USP34: variants seen among roughly 807,000 people sequenced by gnomAD.
The protein encoded by USP34 is ubiquitin specific peptidase 34.
A neutral mutation model predicts 460.3 loss-of-function variants in USP34; 70 were observed. That is an observed-to-expected ratio of 0.15 (90% CI 0.13 to 0.19). The LOEUF is 0.19. Among genes scored for constraint, USP34 ranks in the 10% least tolerant of loss-of-function variants. The pLI is 1.00. For synonymous variants in USP34, 1,647 were observed against 1,405.3 expected (o/e 1.17, Z -3.85); for missense variants, 3,985 against 4,236.2 (o/e 0.94, Z 1.65).
intron 75 of USP34, among the ~76,000 whole-genome samples, chr2:61,201,455 C>T (rs950659050): frequency 5.8e-4 from 88 of 152,098 alleles, no homozygotes; most frequent in African/African-American, 2.1e-3. Flanking sequence ...CCTCGTGATC[C>T]GCCCGCCTTG....
At chr2:61,456,729 G>T (rs932530071) in intron 1 of USP34, among the ~76,000 whole-genome samples, 14 of 152,126 alleles carry the variant, frequency 9.2e-5, no homozygotes, top group Non-Finnish European at 1.5e-5. Flanking sequence ...GAGGCAGGAG[G>T]ATAGTTTGAG....
chr2:61,435,167 T>C (rs1440396398), intron 1 of USP34, among the ~76,000 whole-genome samples: 1 of 151,526 alleles, frequency 6.6e-6, no homozygotes, highest in African/African-American at 2.4e-5. Flanking sequence ...TAGCTGGACA[T>C]GGTGGTGAAT....
At chr2:61,237,087 C>T (rs1049065413) in intron 53 of USP34, among the ~76,000 whole-genome samples, 1 of 152,114 alleles carries the variant, frequency 6.6e-6, no homozygotes, top group Non-Finnish European at 1.5e-5. Context: ...CCTCTCCAGC[C>T]CACTACACTA....
intron 3 of USP34, among the ~76,000 whole-genome samples, chr2:61,402,745 A>C (rs1693759232): frequency 6.6e-6 from 1 of 152,226 alleles, no homozygotes; most frequent in African/African-American, 2.4e-5. Context: ...CACAAAGAAA[A>C]GACTAGATGG....
intron 1 of USP34, among the ~76,000 whole-genome samples, chr2:61,467,046 C>T (rs1695784810): frequency 6.6e-6 from 1 of 152,056 alleles, no homozygotes; most frequent in Admixed American, 6.6e-5. Flanking sequence ...TGGCTCACGC[C>T]TGTAATCCTA....
chr2:61,466,996 T>C (rs1255435445), intron 1 of USP34, among the ~76,000 whole-genome samples: 9 of 152,072 alleles, frequency 5.9e-5, no homozygotes, highest in African/African-American at 2.2e-4. Flanking sequence ...ACAGTGTTTT[T>C]GGTTTGTTTT....
intron 1 of USP34, among the ~76,000 whole-genome samples, chr2:61,467,842 C>G (rs146085786): frequency 3.3e-5 from 5 of 151,866 alleles, no homozygotes; most frequent in South Asian, 4.2e-4. Context: ...AGGCTGGTCT[C>G]GAGCTCCTGA....
intron 41 of USP34, among the ~76,000 whole-genome samples, chr2:61,268,466 A>G (rs1427375134): frequency 7.1e-6 from 1 of 140,410 alleles, no homozygotes; most frequent in South Asian, 2.4e-4. Context: ...AAAAAAAAAA[A>G]AAGTGTTGCA....
At chr2:61,423,372 A>G (rs995849181) in intron 1 of USP34, among the ~76,000 whole-genome samples, 6 of 152,162 alleles carry the variant, frequency 3.9e-5, no homozygotes, top group African/African-American at 9.7e-5. Context: ...TCAGCCTCCC[A>G]AAGTGCTGGG....
chr2:61,188,760 A>C, intron 79 of USP34, 51 bp from the exon 80 acceptor site: 1 of 1,582,366 alleles, frequency 6.3e-7, no homozygotes, highest in Non-Finnish European at 8.6e-7. Flanking sequence ...CATTAAGATC[A>C]CGTTAGGGGG....
chr2:61,380,343 C>T lies in USP34; in HGVS notation c.840G>A (p.Ser280=), dbSNP rs1197833722. The part of the protein sequence containing the change: ...TYVIRYLCKL[S]DQELRQSAAR... ...CTGCACTCTGTCGTAACTCCTGATC[C>T]GAGAGCTTGCATAAATACCTGAAAT... Residue 280 remains serine, a synonymous_variant, in exon 7 of 80, where the codon TCG becomes TCA. Transcript: ENST00000398571. 4 of 1,605,722 alleles carry T rather than the reference C, an allele frequency of 2.5e-6. No individual in the cohort carries two copies. The East Asian group carries it at 6.7e-5, about 27-fold the overall frequency.
chr2:61,251,149 AT>A (rs1432306325), intron 48 of USP34, among the ~76,000 whole-genome samples: 5 of 152,218 alleles, frequency 3.3e-5, no homozygotes, highest in African/African-American at 1.2e-4. Flanking sequence ...AAAAAAATAA[AT>A]AAATAAATAA....
At chr2:61,283,585 G>T in intron 35 of USP34, 136 bp from the exon 36 acceptor site, 1 of 728,366 alleles carries the variant, frequency 1.4e-6, no homozygotes, top group Non-Finnish European at 2.2e-6. Context: ...GAGTGAGAGT[G>T]AGAGTGAGAG....
chr2:61,201,182 G>C (rs1381869402), intron 75 of USP34, among the ~76,000 whole-genome samples: 1 of 148,956 alleles, frequency 6.7e-6, no homozygotes, highest in Admixed American at 6.7e-5. Context: ...TGGTGGTACA[G>C]TCAAAGAATA....
intron 72 of USP34, 39 bp from the exon 73 acceptor site, chr2:61,204,640 G>A (rs1421885744): frequency 2.0e-6 from 3 of 1,491,026 alleles, no homozygotes; most frequent in South Asian, 1.1e-5. Context: ...AAAAAATTAA[G>A]AGTTATATCT....
intron 48 of USP34, among the ~76,000 whole-genome samples, chr2:61,255,308 C>G (rs903163777): frequency 6.6e-6 from 1 of 152,210 alleles, no homozygotes; most frequent in African/African-American, 2.4e-5. Flanking sequence ...ATTTAACACT[C>G]TAACTCAACA....
At chr2:61,234,056 A>G (rs1687995259) in intron 57 of USP34, among the ~76,000 whole-genome samples, 1 of 152,170 alleles carries the variant, frequency 6.6e-6, no homozygotes, top group South Asian at 2.1e-4. Flanking sequence ...AAGAAAGATT[A>G]TTATTATTTA....
intron 68 of USP34, among the ~76,000 whole-genome samples, chr2:61,212,318 T>A (rs1687291988): frequency 6.6e-6 from 1 of 152,230 alleles, no homozygotes; most frequent in African/African-American, 2.4e-5. Context: ...TCATTTTTAG[T>A]CTTATTACTG....
chr2:61,451,154 G>A (rs1430638872), intron 1 of USP34, among the ~76,000 whole-genome samples: 1 of 135,606 alleles, frequency 7.4e-6, no homozygotes, highest in African/African-American at 2.8e-5. Context: ...CCGAGAGGTG[G>A]AAGTTGCAGT....
Sources: gnomAD v4.1 joint callset for allele counts (sites outside exome capture counted in the v4.1 genomes callset) on GRCh38, gnomAD v4.1.1 for gene constraint, MANE v1.5 for transcripts, NCBI Gene and HGNC (gene_info 2026-07-23, HGNC 2026-07-21) for gene names.